Variants in ADAMTSL1 observed in about 807,000 individuals in gnomAD.
ADAMTSL1 encodes ADAMTS like 1.
In ADAMTSL1, 126 loss-of-function variants were observed where a neutral mutation model predicts 201.8. The observed-to-expected ratio is 0.62, with a 90% CI of 0.54 to 0.72. The LOEUF is 0.72. ADAMTSL1 is among the 30% of genes least tolerant of loss of function. The pLI is 0.00. For synonymous variants in ADAMTSL1, 1,121 were observed against 903.4 expected (o/e 1.24, Z -4.32); for missense variants, 2,679 against 2,277.8 (o/e 1.18, Z -3.59).
chr9:17,928,123 T>A (rs754824406), intron 1 of ADAMTSL1, among the ~76,000 whole-genome samples: 10 of 151,958 alleles, frequency 6.6e-5, no homozygotes, highest in Non-Finnish European at 1.3e-4. Flanking sequence ...GCCTCCCAAG[T>A]AGCTGGGACT....
chr9:18,241,962 T>A (rs909150429), intron 2 of ADAMTSL1, among the ~76,000 whole-genome samples: 1 of 152,110 alleles, frequency 6.6e-6, no homozygotes, highest in Non-Finnish European at 1.5e-5. Context: ...CCAATACTTA[T>A]GAAACTCTTC....
intron 2 of ADAMTSL1, among the ~76,000 whole-genome samples, chr9:18,307,936 T>A (rs1275692618): frequency 1.3e-5 from 2 of 152,098 alleles, no homozygotes; most frequent in African/African-American, 4.8e-5. Context: ...ATTGACCACA[T>A]AATTGGAAGT....
At chr9:18,216,519 G>A (rs989651902) in intron 2 of ADAMTSL1, among the ~76,000 whole-genome samples, 3 of 152,130 alleles carry the variant, frequency 2.0e-5, no homozygotes, top group African/African-American at 7.2e-5. Context: ...ACACAGTTTA[G>A]GAGGTTGGCA....
intron 1 of ADAMTSL1, among the ~76,000 whole-genome samples, chr9:18,114,735 CAT>C (rs1320483043): frequency 1.3e-5 from 2 of 152,070 alleles, no homozygotes; most frequent in South Asian, 2.1e-4. Context: ...CTACAAGAAA[CAT>C]GTGGGAGAAA....
At chr9:18,343,619 C>T (rs1056538369) in intron 2 of ADAMTSL1, among the ~76,000 whole-genome samples, 8 of 152,144 alleles carry the variant, frequency 5.3e-5, no homozygotes, top group Non-Finnish European at 8.8e-5. Flanking sequence ...TACCTTCTCT[C>T]ATGTCTATGC....
intron 21 of ADAMTSL1, among the ~76,000 whole-genome samples, chr9:18,825,357 A>G (rs1824481790): frequency 6.6e-6 from 1 of 152,200 alleles, no homozygotes; most frequent in Non-Finnish European, 1.5e-5. Flanking sequence ...TCTCTCTCAC[A>G]GAAAATAAAC....
At chr9:18,862,009 G>T (rs1056953849) in intron 23 of ADAMTSL1, among the ~76,000 whole-genome samples, 4 of 152,128 alleles carry the variant, frequency 2.6e-5, no homozygotes, top group African/African-American at 4.8e-5. Context: ...AGGTCTTTGC[G>T]TTCCCCTGGT....
chr9:18,645,208 G>A (rs1257114351), intron 7 of ADAMTSL1, among the ~76,000 whole-genome samples: 5 of 152,122 alleles, frequency 3.3e-5, no homozygotes, highest in African/African-American at 4.8e-5. Context: ...GTCTGTTCAT[G>A]TCCTTCACCC....
chr9:18,185,794 G>A (rs1828705624), intron 2 of ADAMTSL1, among the ~76,000 whole-genome samples: 1 of 152,114 alleles, frequency 6.6e-6, no homozygotes, highest in African/African-American at 2.4e-5. Flanking sequence ...AAGTTTACAA[G>A]CATTGGTTAT....
rs562370761 is a variant in ADAMTSL1 at position 18,893,265 on chromosome 9, T to C, written c.4851+669T>C. 9.2e-5 allele frequency among the ~76,000 whole-genome samples: 14 copies of C among 152,244 alleles called. No individual in the cohort carries two copies. The South Asian group carries it at 2.5e-3, about 27-fold the overall frequency. ...TCTGGTTCCAGGCCCTCGAGGCTTA[T>C]TGGCAGTTTGTAAAATTACAATAGC... On this transcript the variant is annotated intron_variant, in intron 26 of 28. Coordinates refer to ENST00000380548, the MANE Select transcript of ADAMTSL1 (RefSeq NM_001040272.6).
chr9:18,226,050 A>C (rs1293436063), intron 2 of ADAMTSL1, among the ~76,000 whole-genome samples: 1 of 152,148 alleles, frequency 6.6e-6, no homozygotes, highest in Admixed American at 6.6e-5. Flanking sequence ...CTAGGTTAAT[A>C]TTAATTTAGG....
Position 18,567,747 on chromosome 9 carries a change from T to C in ADAMTSL1, c.238-6283T>C, listed in dbSNP as rs146774471. 3.2e-3 allele frequency among the ~76,000 whole-genome samples: 486 copies of C among 152,272 alleles called. 8 individuals are homozygous for C. The highest frequency in any genetic ancestry group is 0.027 in the Admixed American group (416 of 15,284). On this transcript the variant is annotated intron_variant, in intron 3 of 28. Coordinates refer to ENST00000380548, the MANE Select transcript of ADAMTSL1 (RefSeq NM_001040272.6). ...ACACAAATATATTCTTATACACACA[T>C]ACAATGCATGTATCTATGTACTTAT...
intron 2 of ADAMTSL1, among the ~76,000 whole-genome samples, chr9:18,291,017 G>C (rs1373218993): frequency 1.3e-5 from 2 of 152,066 alleles, no homozygotes; most frequent in African/African-American, 4.8e-5. Flanking sequence ...TCCTGACCTT[G>C]TGATCCGCCC....
intron 2 of ADAMTSL1, among the ~76,000 whole-genome samples, chr9:18,524,351 G>T (rs867153101): frequency 2.0e-5 from 3 of 152,288 alleles, no homozygotes; most frequent in South Asian, 2.1e-4. Context: ...CTGAGACAGT[G>T]GGGTTTTCTA....
chr9:18,667,891 A>AT (rs1255435883), intron 9 of ADAMTSL1, among the ~76,000 whole-genome samples: 1 of 152,186 alleles, frequency 6.6e-6, no homozygotes, highest in East Asian at 1.9e-4. Flanking sequence ...CATTTATCAG[A>AT]TTTTTTTAAA....
At chr9:18,866,322 AC>A (rs1827540617) in intron 23 of ADAMTSL1, among the ~76,000 whole-genome samples, 1 of 152,110 alleles carries the variant, frequency 6.6e-6, no homozygotes. Flanking sequence ...CTGTGTACAC[AC>A]AGAGACATGC....
chr9:18,188,982 C>G (rs1416206830), intron 2 of ADAMTSL1, among the ~76,000 whole-genome samples: 3 of 152,168 alleles, frequency 2.0e-5, no homozygotes, highest in Non-Finnish European at 4.4e-5. Flanking sequence ...ACTGTTAGCA[C>G]CTTTGTGCTC....
In ADAMTSL1 at chr9:18,664,616, A is replaced by G. The variant is rs1415140152; in HGVS notation, c.1085+2543A>G. Reference sequence around the variant, plus strand: ...TTTACCTATTTTAGTATTTAAAAGTAGAGTCCCTTGTAGTAAGAAAAGAGA... The same window carrying G: ...TTTACCTATTTTAGTATTTAAAAGTGGAGTCCCTTGTAGTAAGAAAAGAGA... On this transcript the variant is annotated intron_variant, in intron 9 of 28. Coordinates refer to ENST00000380548, the MANE Select transcript of ADAMTSL1 (RefSeq NM_001040272.6). Among the ~76,000 whole-genome samples the G allele has an allele frequency of 5.3e-5, 8 of 152,196 alleles. No homozygotes were observed. In the East Asian group the frequency reaches 1.5e-3, roughly 29 times the overall value.
At chr9:18,296,783 A>G (rs557165660) in intron 2 of ADAMTSL1, among the ~76,000 whole-genome samples, 3 of 152,300 alleles carry the variant, frequency 2.0e-5, no homozygotes, top group South Asian at 2.1e-4. Context: ...ATCCTTGAGC[A>G]AGAAACCACA....
Sources: allele counts gnomAD v4.1 joint callset (sites outside exome capture counted in the v4.1 genomes callset), GRCh38; gene constraint gnomAD v4.1.1; transcripts MANE v1.5; gene names NCBI Gene and HGNC (gene_info 2026-07-23, HGNC 2026-07-21).